The following NRG1 variants were observed in gnomAD, a reference collection of about 807,000 sequenced individuals.
The protein encoded by NRG1 is neuregulin 1.
NRG1 carries 18 observed loss-of-function variants against 63.8 expected under a neutral mutation model. The observed-to-expected ratio is 0.28, with a 90% CI of 0.19 to 0.42. The LOEUF is 0.42. NRG1 is among the 10% of genes least tolerant of loss of function. The probability of loss-of-function intolerance (pLI) is 1.00; values close to 1 mark genes in which losing one functional copy is unlikely to be tolerated. For synonymous variants in NRG1, 302 were observed against 301.3 expected, an observed-to-expected ratio of 1.00 and a Z score of -0.02; for missense variants, 762 against 814.7, an observed-to-expected ratio of 0.94 and a Z score of 0.79.
At chr8:31,770,707 GTATACA>G (rs1322193816) in intron 1 of NRG1, among the ~76,000 whole-genome samples, 10 of 149,514 alleles carry the variant, frequency 6.7e-5, no homozygotes, top group African/African-American at 2.5e-4. Context: ...CATGGTGCAT[GTATACA>G]TATGTAACAA....
chr8:32,342,059 C>T (rs1804150835), intron 1 of NRG1, among the ~76,000 whole-genome samples: 1 of 151,886 alleles, frequency 6.6e-6, no homozygotes. Flanking sequence ...TCTCATACCC[C>T]CTCCTCTTTA....
At chr8:31,721,159 T>A (rs886875734) in intron 1 of NRG1, among the ~76,000 whole-genome samples, 9 of 152,302 alleles carry the variant, frequency 5.9e-5, no homozygotes, top group African/African-American at 2.2e-4. Context: ...TAGGAAACTT[T>A]GCCAATTTTT....
intron 1 of NRG1, among the ~76,000 whole-genome samples, chr8:32,114,220 A>G (rs1832408386): frequency 6.6e-6 from 1 of 152,230 alleles, no homozygotes; most frequent in African/African-American, 2.4e-5. Flanking sequence ...TTAAAATAAC[A>G]TTTTATTTTT....
intron 1 of NRG1, among the ~76,000 whole-genome samples, chr8:31,657,604 A>G (rs1252158916): frequency 6.6e-6 from 1 of 152,142 alleles, no homozygotes; most frequent in Non-Finnish European, 1.5e-5. Flanking sequence ...AGCTCTTGGA[A>G]TTGTTTTTTT....
chr8:31,832,279 G>A (rs895856336), intron 1 of NRG1, among the ~76,000 whole-genome samples: 16 of 148,394 alleles, frequency 1.1e-4, no homozygotes, highest in African/African-American at 4.0e-4. Flanking sequence ...TTGAGATGGG[G>A]TCTCAGTCTC....
At chr8:32,068,396 T>C (rs1825222051) in intron 1 of NRG1, among the ~76,000 whole-genome samples, 1 of 152,180 alleles carries the variant, frequency 6.6e-6, no homozygotes, top group Admixed American at 6.5e-5. Flanking sequence ...TCAGGGAATG[T>C]GGACAAAGTC....
At chr8:32,661,353 A>G (rs1802800778) in intron 5 of NRG1, among the ~76,000 whole-genome samples, 2 of 152,242 alleles carry the variant, frequency 1.3e-5, no homozygotes, top group African/African-American at 2.4e-5. Context: ...CTCATTATCC[A>G]GATGCACTCA....
exon 5 of NRG1, chr8:32,616,871 C>T: frequency 6.3e-7 from 1 of 1,596,922 alleles, no homozygotes; most frequent in South Asian, 1.1e-5. Context: ...ACAGAAGGAG[C>T]AAATACTTCT....
chr8:32,433,116 G>T (rs1192669327), intron 1 of NRG1, among the ~76,000 whole-genome samples: 1 of 152,126 alleles, frequency 6.6e-6, no homozygotes, highest in Non-Finnish European at 1.5e-5. Context: ...TCATTGTGCT[G>T]GGTGGTAAAA....
At chr8:31,785,001 G>A (rs1586394591) in intron 1 of NRG1, among the ~76,000 whole-genome samples, 1 of 152,096 alleles carries the variant, frequency 6.6e-6, no homozygotes. Context: ...AATCTTTACA[G>A]AGAGCAGGGA....
chr8:32,671,343 G>A (rs565461583), intron 5 of NRG1, among the ~76,000 whole-genome samples: 3 of 152,160 alleles, frequency 2.0e-5, no homozygotes, highest in African/African-American at 4.8e-5. Flanking sequence ...GGCCTTACCC[G>A]GAAAGGCAAA....
intron 1 of NRG1, among the ~76,000 whole-genome samples, chr8:32,141,178 T>A (rs1260147283): frequency 6.6e-6 from 1 of 152,078 alleles, no homozygotes; most frequent in Non-Finnish European, 1.5e-5. Context: ...GGTAAATGAA[T>A]AAAAGAGGGA....
intron 1 of NRG1, among the ~76,000 whole-genome samples, chr8:32,380,246 C>T (rs574653145): frequency 2.0e-5 from 3 of 152,210 alleles, no homozygotes; most frequent in Admixed American, 6.6e-5. Context: ...CATATATCCT[C>T]GGTCTTCCTC....
At chr8:32,650,292 G>A (rs1210928445) in intron 5 of NRG1, among the ~76,000 whole-genome samples, 7 of 152,048 alleles carry the variant, frequency 4.6e-5, no homozygotes, top group Non-Finnish European at 2.9e-5. Flanking sequence ...CTGCCTAAAA[G>A]CATCATTGTG....
chr8:32,417,637 T>C (rs1160737760), intron 1 of NRG1, among the ~76,000 whole-genome samples: 1 of 151,334 alleles, frequency 6.6e-6, no homozygotes, highest in African/African-American at 2.4e-5. Flanking sequence ...CCATTTGATA[T>C]AGAGTCATTA....
intron 5 of NRG1, among the ~76,000 whole-genome samples, chr8:32,656,115 A>G (rs1801426848): frequency 6.6e-6 from 1 of 152,198 alleles, no homozygotes; most frequent in African/African-American, 2.4e-5. Flanking sequence ...CTTTGAGTAT[A>G]CTACATCTAT....
intron 1 of NRG1, among the ~76,000 whole-genome samples, chr8:32,205,775 A>G (rs1843992622): frequency 2.0e-5 from 3 of 152,076 alleles, no homozygotes. Context: ...CTACCTGCTG[A>G]CAAGGCTTTG....
chr8:32,704,958 C>T (rs1036412596), intron 5 of NRG1, among the ~76,000 whole-genome samples: 1 of 152,018 alleles, frequency 6.6e-6, no homozygotes, highest in Non-Finnish European at 1.5e-5. Context: ...CTTTTTATGG[C>T]ATCTGAAAAT....
At chr8:32,301,979 T>C (rs979579245) in intron 1 of NRG1, among the ~76,000 whole-genome samples, 16 of 151,758 alleles carry the variant, frequency 1.1e-4, no homozygotes, top group African/African-American at 3.9e-4. Context: ...CTGGGGGGAG[T>C]GAATGTACCT....
Sources: allele counts gnomAD v4.1 joint callset (sites outside exome capture counted in the v4.1 genomes callset), GRCh38; gene constraint gnomAD v4.1.1; transcripts MANE v1.5; gene names NCBI Gene and HGNC (gene_info 2026-07-23, HGNC 2026-07-21).